The following SH3BP4 variants were observed in gnomAD, a reference collection of about 807,000 sequenced individuals.
SH3BP4 encodes SH3 domain binding protein 4.
SH3BP4 carries 33 observed loss-of-function variants against 65.5 expected under a neutral mutation model. That is an observed-to-expected ratio of 0.50 (90% CI 0.38 to 0.67). SH3BP4 has a LOEUF of 0.67. Among genes scored for constraint, SH3BP4 ranks in the 30% least tolerant of loss-of-function variants. The probability of loss-of-function intolerance (pLI) is 0.00; values close to 1 mark genes in which losing one functional copy is unlikely to be tolerated. For synonymous variants in SH3BP4, 552 were observed against 545.5 expected, an observed-to-expected ratio of 1.01 and a Z score of -0.17; for missense variants, 1,134 against 1,261.4, an observed-to-expected ratio of 0.90 and a Z score of 1.53.
chr2:234,968,960 C>T (rs1011519808), intron 1 of SH3BP4, among the ~76,000 whole-genome samples: 1 of 152,218 alleles, frequency 6.6e-6, no homozygotes, highest in Admixed American at 6.5e-5. Context: ...CACAGTTGAT[C>T]ACTGCCCTCT....
In SH3BP4 at chr2:234,987,345, G is replaced by A. The variant is rs1239606962; in HGVS notation, c.-206-7958G>A. The stretch of plus-strand genomic sequence containing the variant: ...TTCAAAGAAAAAAAAAAAAGACAGG[G>A]TCCCTGCCCTCAACATGGTCTACAG... On this transcript the variant is annotated intron_variant, in intron 1 of 5. Transcript: ENST00000392011. Among the ~76,000 whole-genome samples the A allele has an allele frequency of 2.6e-5, 4 of 152,216 alleles. No individual in the cohort carries two copies. In the East Asian group the frequency reaches 5.8e-4, roughly 22 times the overall value.
intron 1 of SH3BP4, among the ~76,000 whole-genome samples, chr2:234,969,268 C>T (rs1428010057): frequency 1.3e-5 from 2 of 152,164 alleles, no homozygotes; most frequent in East Asian, 1.9e-4. Context: ...TGGTTTTGTA[C>T]GTTCGGTGCT....
In SH3BP4 at chr2:234,993,362, C is replaced by T. The variant is rs555518461; in HGVS notation, c.-206-1941C>T. Among the ~76,000 whole-genome samples the T allele has an allele frequency of 7.7e-4, 117 of 152,284 alleles. 1 individual carries two copies. The highest frequency in any genetic ancestry group is 2.6e-3 in the African/African-American group (109 of 41,568). ...CCCATCTGTCCTTTATGACGGCTTG[C>T]GATGGACCCGCCTGATGAAGGGGCC... On this transcript the variant is annotated intron_variant, in intron 1 of 5. Coordinates refer to ENST00000392011, the MANE Select transcript of SH3BP4 (RefSeq NM_014521.3).
intron 1 of SH3BP4, among the ~76,000 whole-genome samples, chr2:234,959,023 G>A (rs1692648982): frequency 6.6e-6 from 1 of 152,040 alleles, no homozygotes; most frequent in African/African-American, 2.4e-5. Flanking sequence ...CATTGGGTGT[G>A]AATAGCTGAT....
intron 1 of SH3BP4, among the ~76,000 whole-genome samples, chr2:234,972,454 T>C: frequency 6.7e-6 from 1 of 150,214 alleles, no homozygotes; most frequent in East Asian, 1.9e-4. Context: ...GTATTTTTTC[T>C]TTTTTTGGTA....
chr2:235,053,542 A>G (rs1386899844), intron 5 of SH3BP4, 50 bp from the exon 6 acceptor site: 1 of 1,436,348 alleles, frequency 7.0e-7, no homozygotes, highest in Admixed American at 1.7e-5. Flanking sequence ...CTGTCTCCTA[A>G]TCTTTCTTCC....
At chr2:235,006,521 A>G (rs1694301241) in intron 2 of SH3BP4, among the ~76,000 whole-genome samples, 1 of 152,208 alleles carries the variant, frequency 6.6e-6, no homozygotes. Context: ...AGGCGGGACC[A>G]CAGGACTCTC....
chr2:235,038,467 A>G (rs1286385341), intron 3 of SH3BP4, among the ~76,000 whole-genome samples: 1 of 133,180 alleles, frequency 7.5e-6, no homozygotes, highest in Non-Finnish European at 1.6e-5. Context: ...GGCCCCTATA[A>G]CAAAAGACAT....
In SH3BP4 at chr2:234,957,763, G is replaced by T. The variant is rs1238486224; in HGVS notation, c.-207+5593G>T. Among the ~76,000 whole-genome samples the T allele has an allele frequency of 5.3e-5, 8 of 152,110 alleles. 1 individual carries two copies. In the South Asian group the frequency reaches 1.2e-3, roughly 24 times the overall value. On this transcript the variant is annotated intron_variant, in intron 1 of 5. Transcript: ENST00000392011. Reference sequence around the variant, plus strand: ...CGTTGAACACCAGGGATGTGGTGATGAATTTGTTCAAGAAGAAAGCTGAGG... The same window carrying T: ...CGTTGAACACCAGGGATGTGGTGATTAATTTGTTCAAGAAGAAAGCTGAGG...
Position 235,030,237 on chromosome 2 carries a change from C to T in SH3BP4, c.-132-4634C>T, listed in dbSNP as rs1695139365. 6.6e-6 allele frequency among the ~76,000 whole-genome samples: 1 copy of T among 152,230 alleles called. No homozygotes were observed. The highest frequency in any genetic ancestry group is 1.9e-4 in the East Asian group (1 of 5,174). ...TGAGGAGCTTGAGGAGCTCCAGGGG[C>T]CCAGCAGCCACTGGCAGCGAAGGCC... On this transcript the variant is annotated intron_variant, in intron 2 of 5. Transcript: ENST00000392011. The surrounding 1 kb of genome is among the most constrained non-coding windows in gnomAD (Gnocchi z 4.1).
chr2:234,996,870 A>G (rs1366188459), intron 2 of SH3BP4, among the ~76,000 whole-genome samples: 2 of 152,206 alleles, frequency 1.3e-5, no homozygotes, highest in Non-Finnish European at 2.9e-5. Context: ...TGAGCAAAGC[A>G]GGAGGAGGTT....
At position 235,041,855 on chromosome 2, in the gene SH3BP4, C is replaced by T. The variant is rs766937727; in HGVS notation, c.1086C>T (p.Pro362=). ...TCTCCATGAAAGCCCTGCTGGACCCCCCGCTGGAGCTCAACAGTGACAGGT... is the reference window on the plus strand; with the variant it reads ...TCTCCATGAAAGCCCTGCTGGACCCTCCGCTGGAGCTCAACAGTGACAGGT... ...QQISMKALLD[P]PLELNSDRSC... Residue 362 remains proline, a synonymous_variant, in exon 4 of 6, where the codon CCC becomes CCT. Coordinates refer to ENST00000392011, the MANE Select transcript of SH3BP4 (RefSeq NM_014521.3). This position sits in a 1 kb window ranked among gnomAD's most constrained non-coding sequence, Gnocchi z 6.0. 1.2e-6 allele frequency: 2 copies of T among 1,608,522 alleles called. No individual in the cohort carries two copies. Among genetic ancestry groups the T allele is most frequent in the Non-Finnish European group, 1.7e-6 (2 of 1,176,508 alleles).
rs368596447 is a variant in SH3BP4, at chr2:234,959,831, C to T, written c.-207+7661C>T. Among the ~76,000 whole-genome samples, 74 of 152,014 alleles carry T rather than the reference C, an allele frequency of 4.9e-4. No individual in the cohort carries two copies. In the East Asian group the frequency reaches 5.1e-3, roughly 10 times the overall value. ...CATGCCTGGCTAATTTTTGTGTTTT[C>T]AGTAGAGGTGGGGTTTTACCATGTT... On this transcript the variant is annotated intron_variant, in intron 1 of 5. Coordinates refer to ENST00000392011, the MANE Select transcript of SH3BP4 (RefSeq NM_014521.3).
chr2:235,054,840 G>C lies in SH3BP4; in HGVS notation c.*1024G>C, dbSNP rs899746211. 1.3e-5 allele frequency: 2 copies of C among 152,214 alleles called. No homozygotes were observed. The highest frequency in any genetic ancestry group is 2.4e-5 in the African/African-American group (1 of 41,462). 9.4% of individuals were successfully genotyped at this position (152,214 alleles called of 1,614,324 possible). A position where few individuals can be genotyped will look rare whatever the true frequency, so the allele number is the denominator to read the frequency against. On this transcript the variant is annotated 3_prime_UTR_variant, in exon 6 of 6. Coordinates refer to ENST00000392011, the MANE Select transcript of SH3BP4 (RefSeq NM_014521.3). ...GGCCTCACAAGCAACGCCTTATGCT[G>C]ATGTGCAGAGGTGCCAGCTGCCATT...
intron 1 of SH3BP4, among the ~76,000 whole-genome samples, chr2:234,955,777 G>A (rs1478324532): frequency 1.3e-5 from 2 of 152,188 alleles, no homozygotes; most frequent in African/African-American, 2.4e-5. Flanking sequence ...GGTACCACTC[G>A]TTGAGGGCTT....
intron 1 of SH3BP4, among the ~76,000 whole-genome samples, chr2:234,959,792 C>T (rs748472819): frequency 4.6e-5 from 7 of 151,970 alleles, no homozygotes; most frequent in Admixed American, 1.3e-4. Context: ...GCTGGGATTA[C>T]AGGCGCATGC....
chr2:235,030,729 A>G lies in SH3BP4; in HGVS notation c.-132-4142A>G, dbSNP rs999466759. ...GAGGAGCACACAGGGCAGCCCTGGGATGCTGGCTGCATTCTCCATCCCGTG... is the reference window on the plus strand; with the variant it reads ...GAGGAGCACACAGGGCAGCCCTGGGGTGCTGGCTGCATTCTCCATCCCGTG... On this transcript the variant is annotated intron_variant, in intron 2 of 5. Transcript: ENST00000392011. The surrounding 1 kb of genome is among the most constrained non-coding windows in gnomAD (Gnocchi z 4.1). Among the ~76,000 whole-genome samples the G allele has an allele frequency of 6.6e-6, 1 of 152,132 alleles. No homozygotes were observed. The highest frequency in any genetic ancestry group is 1.9e-4 in the East Asian group (1 of 5,190).
chr2:234,986,932 C>T (rs1693579236), intron 1 of SH3BP4, among the ~76,000 whole-genome samples: 1 of 151,862 alleles, frequency 6.6e-6, no homozygotes, highest in African/African-American at 2.4e-5. Flanking sequence ...GCCTCCATGC[C>T]CGGCTAATTT....
chr2:235,003,160 C>T (rs1423121341), intron 2 of SH3BP4, among the ~76,000 whole-genome samples: 1 of 152,246 alleles, frequency 6.6e-6, no homozygotes, highest in African/African-American at 2.4e-5. Context: ...CCCAGGGCTT[C>T]GGTGGATGGG....
Sources: gnomAD v4.1 joint callset for allele counts (sites outside exome capture counted in the v4.1 genomes callset) on GRCh38, gnomAD v4.1.1 for gene constraint, Gnocchi (gnomAD v3.1) non-coding constraint, MANE v1.5 for transcripts, NCBI Gene and HGNC (gene_info 2026-07-23, HGNC 2026-07-21) for gene names.